Variants in AP2B1 observed in about 807,000 individuals in gnomAD.
AP2B1 encodes the protein adaptor related protein complex 2 subunit beta 1, also known as AP-2 complex subunit beta.
In AP2B1, 23 loss-of-function variants were observed where a neutral mutation model predicts 102.0. That is an observed-to-expected ratio of 0.23 (90% CI 0.16 to 0.32). AP2B1 has a LOEUF of 0.32. Among genes scored for constraint, AP2B1 ranks in the 10% least tolerant of loss-of-function variants. AP2B1 has a pLI of 1.00. For synonymous variants in AP2B1, 381 were observed against 421.2 expected (o/e 0.90, Z 1.17); for missense variants, 541 against 1,157.4 (o/e 0.47, Z 7.73).
At chr17:35,638,735 GCC>G (rs2074681114) in intron 10 of AP2B1, among the ~76,000 whole-genome samples, 1 of 149,500 alleles carries the variant, frequency 6.7e-6, no homozygotes, top group South Asian at 2.1e-4. Context: ...CTTGCAGTGA[GCC>G]GGGATCGTGC....
At chr17:35,684,580 C>T (rs1279851352) in intron 18 of AP2B1, among the ~76,000 whole-genome samples, 1 of 152,092 alleles carries the variant, frequency 6.6e-6, no homozygotes, top group Admixed American at 6.5e-5. Context: ...AGAGGGTAGA[C>T]GAGTGAGTCA....
intron 5 of AP2B1, among the ~76,000 whole-genome samples, chr17:35,616,142 C>CTTTTTTTTTTTT (rs71152739): frequency 3.5e-5 from 2 of 57,400 alleles, no homozygotes; most frequent in Non-Finnish European, 3.0e-5. Flanking sequence ...AAAAATATCT[C>CTTTTTTTTTTTT]TTTTTTTTTT....
At chr17:35,650,400 C>T (rs1208623027) in intron 12 of AP2B1, 130 bp from the exon 13 acceptor site, 3 of 1,113,366 alleles carry the variant, frequency 2.7e-6, no homozygotes, top group Non-Finnish European at 3.9e-6. Context: ...CCACATCCAG[C>T]CTGAAGTATC....
intron 5 of AP2B1, among the ~76,000 whole-genome samples, chr17:35,609,636 C>T (rs225282): frequency 0.5 from 75,667 of 151,990 alleles, 18,880 homozygotes; most frequent in East Asian, 0.52. Flanking sequence ...TGTGAGCCAC[C>T]GCACCCAGCC....
intron 3 of AP2B1, among the ~76,000 whole-genome samples, chr17:35,602,451 C>T (rs1240195580): frequency 6.6e-6 from 1 of 152,140 alleles, no homozygotes; most frequent in East Asian, 1.9e-4. Context: ...CTGCAAGTAA[C>T]CTCAAGTGCA....
At chr17:35,590,291 G>A (rs997153939) in intron 1 of AP2B1, among the ~76,000 whole-genome samples, 1 of 152,098 alleles carries the variant, frequency 6.6e-6, no homozygotes, top group Non-Finnish European at 1.5e-5. Flanking sequence ...TATCTAGCAT[G>A]TGATTAAGTG....
At chr17:35,605,598 T>C (rs2073648006) in intron 3 of AP2B1, 107 bp from the exon 4 acceptor site, 2 of 802,780 alleles carry the variant, frequency 2.5e-6, no homozygotes, top group Admixed American at 2.4e-5. Flanking sequence ...GTGGGGACAT[T>C]TGTTCTTGCA....
intron 19 of AP2B1, 32 bp from the exon 20 acceptor site, chr17:35,710,202 C>T: frequency 1.4e-6 from 2 of 1,479,504 alleles, no homozygotes; most frequent in East Asian, 4.5e-5. Flanking sequence ...AGCTTATGCA[C>T]ATCCATCCTT....
rs778398093 is a variant in AP2B1, at chr17:35,622,957, G to A, written c.526-1440G>A. Among the ~76,000 whole-genome samples the A allele has an allele frequency of 1.2e-4, 19 of 152,154 alleles. No homozygotes were observed. In the South Asian group the frequency reaches 1.4e-3, roughly 12 times the overall value. Reference sequence around the variant, plus strand: ...TGGGTTTACAGGCGTGAGCCACCACGCCCAGCCAACTTATACTTGGAGAGT... The same window carrying A: ...TGGGTTTACAGGCGTGAGCCACCACACCCAGCCAACTTATACTTGGAGAGT... On this transcript the variant is annotated intron_variant, in intron 5 of 21. Transcript: ENST00000610402.
intron 3 of AP2B1, among the ~76,000 whole-genome samples, chr17:35,603,475 A>C (rs570446835): frequency 6.6e-6 from 1 of 152,346 alleles, no homozygotes; most frequent in South Asian, 2.1e-4. Flanking sequence ...TAAATCATGA[A>C]ATAACTAGAA....
chr17:35,694,067 C>A (rs1399813568), intron 18 of AP2B1, among the ~76,000 whole-genome samples: 2 of 152,168 alleles, frequency 1.3e-5, no homozygotes, highest in Non-Finnish European at 2.9e-5. Context: ...ATTGAAAAAT[C>A]AGTTATGTTC....
At chr17:35,602,609 G>A (rs2073526803) in intron 3 of AP2B1, among the ~76,000 whole-genome samples, 1 of 152,138 alleles carries the variant, frequency 6.6e-6, no homozygotes, top group African/African-American at 2.4e-5. Flanking sequence ...CTTTCAGTAT[G>A]TAATCAACAT....
intron 14 of AP2B1, among the ~76,000 whole-genome samples, chr17:35,666,878 G>A (rs1305886818): frequency 6.6e-6 from 1 of 152,194 alleles, no homozygotes; most frequent in Non-Finnish European, 1.5e-5. Context: ...ATTCATACCT[G>A]TAATCCCAGC....
intron 5 of AP2B1, chr17:35,621,268 A>G: frequency 3.1e-6 from 3 of 982,600 alleles, no homozygotes; most frequent in Non-Finnish European, 3.6e-6. Context: ...TTTCTTTAAG[A>G]TACTTTAGAT....
At chr17:35,602,087 AT>A (rs201089088) in intron 3 of AP2B1, among the ~76,000 whole-genome samples, 2 of 151,576 alleles carry the variant, frequency 1.3e-5, no homozygotes, top group South Asian at 2.1e-4. Flanking sequence ...AAAACTCTTG[AT>A]TTTTTTTTAT....
At chr17:35,618,405 C>T (rs185645694) in intron 5 of AP2B1, among the ~76,000 whole-genome samples, 1 of 152,192 alleles carries the variant, frequency 6.6e-6, no homozygotes, top group African/African-American at 2.4e-5. Flanking sequence ...TTCAAGTCTT[C>T]AGGGATACCA....
chr17:35,695,481 A>C (rs148640627), intron 18 of AP2B1, among the ~76,000 whole-genome samples: 257 of 152,028 alleles, frequency 1.7e-3, no homozygotes, highest in African/African-American at 6.0e-3. Context: ...ACTTTCACAT[A>C]CTGGTGAAAG....
intron 18 of AP2B1, 62 bp downstream of exon 18, chr17:35,682,886 A>ATTG: frequency 6.9e-7 from 1 of 1,453,334 alleles, no homozygotes; most frequent in Non-Finnish European, 9.3e-7. Context: ...TATTATTATT[A>ATTG]TTATTTTTAA....
chr17:35,668,616 A>G (rs1450399319), intron 14 of AP2B1, among the ~76,000 whole-genome samples: 1 of 152,224 alleles, frequency 6.6e-6, no homozygotes, highest in Non-Finnish European at 1.5e-5. Context: ...TTAAAAAATT[A>G]AAAGACAGCC....
Sources: allele counts gnomAD v4.1 joint callset (sites outside exome capture counted in the v4.1 genomes callset), GRCh38; gene constraint gnomAD v4.1.1; transcripts MANE v1.5; gene names NCBI Gene and HGNC (gene_info 2026-07-23, HGNC 2026-07-21).